C16orf78: variants seen among roughly 807,000 people sequenced by gnomAD.
C16orf78 encodes chromosome 16 open reading frame 78.
Under a neutral mutation model 27.3 loss-of-function variants are expected in C16orf78, and 19 were observed. That is an observed-to-expected ratio of 0.70 (90% CI 0.49 to 1.02). The LOEUF is 1.02. Ranked by LOEUF, C16orf78 falls within the 50% of genes least tolerant of loss-of-function variation. The pLI, the probability that C16orf78 is intolerant of heterozygous loss-of-function variation, is 0.00. For missense variants in C16orf78, 339 were observed against 337.0 expected (o/e 1.01, Z -0.05); for synonymous variants, 130 against 116.1 (o/e 1.12, Z -0.77).
intron 3 of C16orf78, among the ~76,000 whole-genome samples, chr16:49,380,700 C>G (rs1006491597): frequency 2.0e-5 from 3 of 152,202 alleles, no homozygotes; most frequent in African/African-American, 7.2e-5. Context: ...GACATGAAGT[C>G]CTTGCCCATG....
At chr16:49,394,189 A>G (rs1365540137) in intron 3 of C16orf78, among the ~76,000 whole-genome samples, 2 of 152,162 alleles carry the variant, frequency 1.3e-5, no homozygotes, top group Non-Finnish European at 2.9e-5. Flanking sequence ...TATAAAATAT[A>G]GACATTTCTG....
At position 49,399,324 on chromosome 16, in the gene C16orf78, C is replaced by T. The variant is rs753457102; in HGVS notation, c.*46C>T. 4 of 1,603,214 alleles carry T rather than the reference C, an allele frequency of 2.5e-6. No individual in the cohort carries two copies. The East Asian group carries it at 6.7e-5, about 27-fold the overall frequency. On this transcript the variant is annotated 3_prime_UTR_variant, in exon 5 of 5. Transcript: ENST00000299191. Reference sequence around the variant, plus strand: ...CTTCAGGCTCCTTCTGTCATGGGACCCTTCACCTCCAGATGCCATCCTCTG... The same window carrying T: ...CTTCAGGCTCCTTCTGTCATGGGACTCTTCACCTCCAGATGCCATCCTCTG...
At chr16:49,389,924 C>T (rs1209206256) in intron 3 of C16orf78, among the ~76,000 whole-genome samples, 2 of 152,138 alleles carry the variant, frequency 1.3e-5, no homozygotes, top group Admixed American at 6.6e-5. Flanking sequence ...TTTTCTTTAA[C>T]GTATCTTGTG....
chr16:49,385,026 G>A (rs1474184152), intron 3 of C16orf78, among the ~76,000 whole-genome samples: 1 of 152,082 alleles, frequency 6.6e-6, no homozygotes, highest in Non-Finnish European at 1.5e-5. Flanking sequence ...TGCCTTATAA[G>A]AAATCATAAA....
At chr16:49,394,800 T>C (rs924562495) in intron 3 of C16orf78, among the ~76,000 whole-genome samples, 7 of 150,906 alleles carry the variant, frequency 4.6e-5, no homozygotes, top group Non-Finnish European at 8.9e-5. Context: ...CATGAAATTC[T>C]AGTTAAAAAG....
At chr16:49,375,581 C>T (rs1965206194) in intron 1 of C16orf78, among the ~76,000 whole-genome samples, 1 of 152,140 alleles carries the variant, frequency 6.6e-6, no homozygotes, top group African/African-American at 2.4e-5. Context: ...TGAGAAAGTG[C>T]CCCTATGATC....
Position 49,374,091 on chromosome 16 carries a change from T to A in C16orf78, c.150+2T>A, listed in dbSNP as rs755343048. 6.2e-7 allele frequency: 1 copy of A among 1,613,824 alleles called. No homozygotes were observed. Among genetic ancestry groups the A allele is most frequent in the Non-Finnish European group, 8.5e-7 (1 of 1,179,918 alleles). ...GGGAAGAAGAAACAAGCTCCCGAGG[T>A]GGGTACCATCCAAGAGAAATGGCAG... On this transcript the variant is annotated splice_donor_variant, in intron 1 of 4. Coordinates refer to ENST00000299191, the MANE Select transcript of C16orf78 (RefSeq NM_144602.4). LOFTEE classifies it high-confidence loss of function.
At chr16:49,378,335 C>T (rs1031677596) in intron 2 of C16orf78, 135 bp from the exon 3 acceptor site, 12 of 1,326,316 alleles carry the variant, frequency 9.0e-6, no homozygotes, top group African/African-American at 5.9e-5. Flanking sequence ...TCCCAGGGCC[C>T]GGGGAAGCTC....
chr16:49,382,194 C>G (rs906675027), intron 3 of C16orf78, among the ~76,000 whole-genome samples: 3 of 151,980 alleles, frequency 2.0e-5, no homozygotes, highest in Non-Finnish European at 4.4e-5. Flanking sequence ...TATTCTCACT[C>G]ATAGGTGGGA....
intron 3 of C16orf78, among the ~76,000 whole-genome samples, chr16:49,388,406 G>T (rs956434056): frequency 2.5e-4 from 38 of 152,134 alleles, no homozygotes; most frequent in African/African-American, 8.7e-4. Flanking sequence ...CTGGTATATT[G>T]TATCTTTATT....
At chr16:49,375,929 C>G (rs27810) in intron 1 of C16orf78, among the ~76,000 whole-genome samples, 1 of 152,180 alleles carries the variant, frequency 6.6e-6, no homozygotes, top group African/African-American at 2.4e-5. Context: ...CTAATAATCA[C>G]ATTTTAACAA....
At chr16:49,376,119 G>T (rs556794426) in intron 1 of C16orf78, among the ~76,000 whole-genome samples, 2 of 152,316 alleles carry the variant, frequency 1.3e-5, no homozygotes, top group Non-Finnish European at 2.9e-5. Flanking sequence ...AGCAGCAGGT[G>T]ATGGGGGACC....
chr16:49,386,060 C>T lies in C16orf78; in HGVS notation c.394+7467C>T, dbSNP rs563785108. 3.3e-4 allele frequency among the ~76,000 whole-genome samples: 50 copies of T among 152,196 alleles called. 1 individual carries two copies. The South Asian group carries it at 0.01, about 32-fold the overall frequency. The stretch of plus-strand genomic sequence containing the variant: ...GCAAATGGTAACCTAAGGAGAGCAT[C>T]GGTGGCTATACTTATATCAGATTTT... On this transcript the variant is annotated intron_variant, in intron 3 of 4. Coordinates refer to ENST00000299191, the MANE Select transcript of C16orf78 (RefSeq NM_144602.4).
chr16:49,387,144 T>G (rs373332083), intron 3 of C16orf78, among the ~76,000 whole-genome samples: 1 of 152,222 alleles, frequency 6.6e-6, no homozygotes, highest in Admixed American at 6.5e-5. Context: ...CCATTCTGAC[T>G]GGTGTGAGAT....
At position 49,396,622 on chromosome 16, in the gene C16orf78, C is replaced by A; in HGVS notation, c.594C>A (p.Thr198=). 9 of 1,613,550 alleles carry A rather than the reference C, an allele frequency of 5.6e-6. No individual in the cohort carries two copies. The highest frequency in any genetic ancestry group is 5.3e-5 in the African/African-American group (4 of 75,050). ...RKLKSLMEKS[T]EPKMETMRML... ...TAAAGAGCCTCATGGAGAAAAGCAC[C>A]GAACCTAAGATGGAAACCATGAGGA... The change falls in exon 4 of 5, where the codon ACC becomes ACA. Residue 198 remains threonine, a synonymous_variant. Coordinates refer to ENST00000299191, the MANE Select transcript of C16orf78 (RefSeq NM_144602.4).
chr16:49,396,899 T>C (rs1334434447), intron 4 of C16orf78, among the ~76,000 whole-genome samples: 1 of 152,234 alleles, frequency 6.6e-6, no homozygotes, highest in Non-Finnish European at 1.5e-5. Context: ...AATGGGCATG[T>C]CATTTAGGTG....
intron 3 of C16orf78, among the ~76,000 whole-genome samples, chr16:49,389,348 C>T (rs1461902668): frequency 6.6e-6 from 1 of 152,098 alleles, no homozygotes; most frequent in African/African-American, 2.4e-5. Flanking sequence ...ATCACTTGAA[C>T]CCAGGAGGCA....
chr16:49,386,099 T>C (rs1965347407), intron 3 of C16orf78, among the ~76,000 whole-genome samples: 1 of 152,006 alleles, frequency 6.6e-6, no homozygotes, highest in Admixed American at 6.6e-5. Context: ...TCAGAAACTG[T>C]CACAAGAAAA....
intron 3 of C16orf78, among the ~76,000 whole-genome samples, chr16:49,379,996 G>A (rs1266657277): frequency 6.6e-6 from 1 of 152,214 alleles, no homozygotes; most frequent in East Asian, 1.9e-4. Context: ...GGCAGAAGTT[G>A]GAAGGATCAG....
Sources: gnomAD v4.1 joint callset for allele counts (sites outside exome capture counted in the v4.1 genomes callset) on GRCh38, gnomAD v4.1.1 for gene constraint, MANE v1.5 for transcripts, NCBI Gene and HGNC (gene_info 2026-07-23, HGNC 2026-07-21) for gene names.